The following ANKRD11 variants were observed in gnomAD, a reference collection of about 807,000 sequenced individuals.
ANKRD11 encodes ankyrin repeat domain-containing protein 11.
Under a neutral mutation model 195.7 loss-of-function variants are expected in ANKRD11, and 17 were observed. That is an observed-to-expected ratio of 0.09 (90% CI 0.06 to 0.13). The LOEUF is 0.13. ANKRD11 is among the 10% of genes least tolerant of loss of function. ANKRD11 has a pLI of 1.00. For missense variants in ANKRD11, 3,735 were observed against 3,566.1 expected, an observed-to-expected ratio of 1.05 and a Z score of -1.21; for synonymous variants, 1,953 against 1,528.1, an observed-to-expected ratio of 1.28 and a Z score of -6.49.
intron 2 of ANKRD11, among the ~76,000 whole-genome samples, chr16:89,374,585 G>A (rs932116425): frequency 1.3e-5 from 2 of 152,216 alleles, no homozygotes; most frequent in Admixed American, 1.3e-4. Context: ...TCCAGGATGC[G>A]CCATCTACAG....
intron 7 of ANKRD11, 27 bp downstream of exon 7, chr16:89,288,501 A>T: frequency 2.5e-6 from 4 of 1,613,970 alleles, no homozygotes; most frequent in Non-Finnish European, 3.4e-6. Flanking sequence ...GACAGGCCGG[A>T]TGTGTGAAGA....
At chr16:89,318,462 C>G (rs543999355) in intron 2 of ANKRD11, among the ~76,000 whole-genome samples, 2 of 152,234 alleles carry the variant, frequency 1.3e-5, no homozygotes, top group Non-Finnish European at 2.9e-5. Context: ...CACCTCTGTG[C>G]GCGACCATGC....
chr16:89,403,525 C>T (rs2041788220), intron 2 of ANKRD11: 1 of 152,130 alleles, frequency 6.6e-6, no homozygotes, highest in East Asian at 1.9e-4. Context: ...ACACGCTCAA[C>T]TACGACTGGG....
chr16:89,285,410 T>C lies in ANKRD11; in HGVS notation c.1132A>G (p.Asn378Asp). ...ATTTTGGGTATAGAGATAAAACTAT[T>C]GGATTTCGTTTCTTTTCTGTAGTCC... ...KKDYRKETKS[N>D]SFISIPKMEV... Residue 378 changes from asparagine to aspartate, a missense_variant, in exon 9 of 13, where the codon AAT becomes GAT. Asn to Asp is a conservative substitution (Grantham distance 23, BLOSUM62 1). Transcript: ENST00000301030. This position sits in a 1 kb window ranked among gnomAD's most constrained non-coding sequence, Gnocchi z 5.6. The C allele has an allele frequency of 6.2e-7, 1 of 1,614,158 alleles. No homozygotes were observed. Among genetic ancestry groups the C allele is most frequent in the Non-Finnish European group, 8.5e-7 (1 of 1,180,030 alleles).
chr16:89,427,878 G>A (rs1342971248), intron 1 of ANKRD11, among the ~76,000 whole-genome samples: 1 of 151,842 alleles, frequency 6.6e-6, no homozygotes, highest in East Asian at 1.9e-4. Context: ...AATAAAACAA[G>A]GGCACTGATT....
chr16:89,483,768 C>T (rs898617515), intron 1 of ANKRD11, among the ~76,000 whole-genome samples: 2 of 148,574 alleles, frequency 1.3e-5, no homozygotes, highest in Admixed American at 6.8e-5. Flanking sequence ...GCGGAGGTTG[C>T]GGTGAGCCAA....
At position 89,283,086 on chromosome 16, in the gene ANKRD11, C is replaced by T. The variant is rs761185338; in HGVS notation, c.3456G>A (p.Lys1152=). Residue 1152 remains lysine, a synonymous_variant, in exon 9 of 13, where the codon AAG becomes AAA. Coordinates refer to ENST00000301030, the MANE Select transcript of ANKRD11 (RefSeq NM_013275.6). This position sits in a 1 kb window ranked among gnomAD's most constrained non-coding sequence, Gnocchi z 4.3. Reference sequence around the variant, plus strand: ...AGGCATAGGCCTCCCGTCCTTCCTCCTTCTCCTGGAGGCCGTCCGTCCTCG... The same window carrying T: ...AGGCATAGGCCTCCCGTCCTTCCTCTTTCTCCTGGAGGCCGTCCGTCCTCG... ...DLPRTDGLQE[K]EEGREAYASD... 8 of 1,614,022 alleles carry T rather than the reference C, an allele frequency of 5.0e-6. No individual in the cohort carries two copies. The highest frequency in any genetic ancestry group is 1.1e-5 in the South Asian group (1 of 91,084).
Position 89,280,727 on chromosome 16 carries a change from A to C in ANKRD11, c.5815T>G (p.Phe1939Val), listed in dbSNP as rs2034148598. 1.2e-6 allele frequency: 2 copies of C among 1,613,282 alleles called. No individual in the cohort carries two copies. Among genetic ancestry groups the C allele is most frequent in the Non-Finnish European group, 1.7e-6 (2 of 1,179,904 alleles). Residue 1939 changes from phenylalanine (F) to valine (V), a missense_variant, in exon 9 of 13, where the codon TTC (phenylalanine) becomes GTC (valine). Transcript: ENST00000301030. ...GGCTCCTCGGTGATGACGGCGCTGA[A>C]GGGACCCTCGTCCAGCGGCTCCAGG... Reference protein sequence around the residue: ...SYLEPLDEGPFSAVITEEPVE... With the variant: ...SYLEPLDEGPVSAVITEEPVE...
In ANKRD11 at chr16:89,353,318, G is replaced by C. The variant is rs191047910; in HGVS notation, c.-59-36240C>G. ...GATGGCGCCACTGCACTCCAGCCTG[G>C]GTGACAGAGTGAGACTCCAACTCCA... On this transcript the variant is annotated intron_variant, in intron 2 of 12. Coordinates refer to ENST00000301030, the MANE Select transcript of ANKRD11 (RefSeq NM_013275.6). Among the ~76,000 whole-genome samples, 132 of 151,476 alleles carry C rather than the reference G, an allele frequency of 8.7e-4. 1 individual carries two copies. The East Asian group carries it at 0.021, about 24-fold the overall frequency.
chr16:89,313,632 G>T, intron 3 of ANKRD11: 1 of 1,282,098 alleles, frequency 7.8e-7, no homozygotes, highest in Non-Finnish European at 1.0e-6. Context: ...TATATCTGGA[G>T]AAAAGGGAGT....
intron 4 of ANKRD11, among the ~76,000 whole-genome samples, chr16:89,304,788 T>C (rs1386745140): frequency 2.0e-5 from 3 of 152,338 alleles, no homozygotes; most frequent in Admixed American, 6.5e-5. Context: ...CCTCCCTGCC[T>C]CCTGCTCACT....
rs71134215 is a variant in ANKRD11, at chr16:89,388,293, A to ATTTTTT, written c.-60+29985_-60+29990dup. Among the ~76,000 whole-genome samples, 278 of 85,272 alleles carry ATTTTTT rather than the reference A, an allele frequency of 3.3e-3. 26 individuals carry two copies. Among genetic ancestry groups the ATTTTTT allele is most frequent in the South Asian group, 0.011 (25 of 2,236 alleles). The allele number at this position is 85,272 out of a possible 152,430, so 55.9% of individuals were successfully genotyped here. On this transcript the variant is annotated intron_variant, in intron 2 of 12. Coordinates refer to ENST00000301030, the MANE Select transcript of ANKRD11 (RefSeq NM_013275.6). ...GTGCTCTCTTCTCTCCATGAGGCTG[A>ATTTTTT]TTTTTTTTTTTTTTTTTTTTTTGAG...
In ANKRD11 at chr16:89,313,249, G is replaced by T. The variant is rs546497165; in HGVS notation, c.87+3684C>A. 1.1e-4 allele frequency: 141 copies of T among 1,251,006 alleles called. 1 individual carries two copies. The South Asian group carries it at 1.7e-3, about 15-fold the overall frequency. The allele number at this position is 1,251,006 out of a possible 1,614,324, so 77.5% of individuals were successfully genotyped here. ...GAGCACAATGAGACAGGGTGACTGT[G>T]CCATGGGGTGGGGACGACAGGGGAC... On this transcript the variant is annotated intron_variant, in intron 3 of 12. Transcript: ENST00000301030.
intron 9 of ANKRD11, chr16:89,278,211 G>A (rs1597425727): frequency 3.1e-6 from 1 of 319,680 alleles, no homozygotes; most frequent in Non-Finnish European, 6.1e-6. Flanking sequence ...AGGAGGGCAG[G>A]GGAGGCCGTG....
Position 89,322,237 on chromosome 16 carries a change from C to G in ANKRD11, c.-59-5159G>C, listed in dbSNP as rs187811720. 2.0e-5 allele frequency among the ~76,000 whole-genome samples: 3 copies of G among 152,370 alleles called. No individual in the cohort carries two copies. The East Asian group carries it at 5.8e-4, about 29-fold the overall frequency. On this transcript the variant is annotated intron_variant, in intron 2 of 12. Transcript: ENST00000301030. ...AGCCCCCTTACACCTGGGTGAGTCT[C>G]TCTCCCTGAACAGATGTGACAACAT... is the stretch of plus-strand genomic sequence containing the variant.
At chr16:89,404,822 C>A (rs2041842166) in intron 2 of ANKRD11, among the ~76,000 whole-genome samples, 1 of 152,240 alleles carries the variant, frequency 6.6e-6, no homozygotes, top group Non-Finnish European at 1.5e-5. Context: ...CCAAATGCCA[C>A]CTTGACGCTG....
chr16:89,382,901 C>G (rs1340180281), intron 2 of ANKRD11, among the ~76,000 whole-genome samples: 1 of 151,822 alleles, frequency 6.6e-6, no homozygotes, highest in Non-Finnish European at 1.5e-5. Flanking sequence ...AGTGCAGCAG[C>G]ATGATCTCGG....
At chr16:89,295,619 C>G (rs2035364451) in intron 4 of ANKRD11, among the ~76,000 whole-genome samples, 2 of 152,190 alleles carry the variant, frequency 1.3e-5, no homozygotes, top group African/African-American at 4.8e-5. Context: ...CTTTTGGGAG[C>G]TGGAGCCCAC....
At chr16:89,366,129 C>CAAAAAAAAA (rs71387689) in intron 2 of ANKRD11, among the ~76,000 whole-genome samples, 15 of 60,442 alleles carry the variant, frequency 2.5e-4, no homozygotes, top group African/African-American at 9.3e-4. Flanking sequence ...GACTCCATCT[C>CAAAAAAAAA]AAAAAAAAAA....
Sources: gnomAD v4.1 joint callset for allele counts (sites outside exome capture counted in the v4.1 genomes callset) on GRCh38, gnomAD v4.1.1 for gene constraint, Gnocchi (gnomAD v3.1) non-coding constraint, MANE v1.5 for transcripts, NCBI Gene and HGNC (gene_info 2026-07-23, HGNC 2026-07-21) for gene names.